HCN1: variants seen among roughly 807,000 people sequenced by gnomAD.
HCN1 encodes hyperpolarization activated cyclic nucleotide gated potassium channel 1, also known as potassium/sodium hyperpolarization-activated cyclic nucleotide-gated channel 1.
Under a neutral mutation model 78.9 loss-of-function variants are expected in HCN1, and 13 were observed. The ratio of observed to expected loss-of-function variants is 0.16; its 90% confidence interval spans 0.11 to 0.26. The LOEUF (loss-of-function observed/expected upper bound fraction) is 0.26. Ranked by LOEUF, HCN1 falls within the 10% of genes least tolerant of loss-of-function variation. The probability of loss-of-function intolerance (pLI) is 1.00; values close to 1 mark genes in which losing one functional copy is unlikely to be tolerated. For missense variants in HCN1, 810 were observed against 1,154.3 expected, an observed-to-expected ratio of 0.70 and a Z score of 4.32; for synonymous variants, 552 against 455.5, an observed-to-expected ratio of 1.21 and a Z score of -2.70.
At chr5:45,363,132 TTATATATATATACATATATATATATATA>T (rs1349826392) in intron 4 of HCN1, among the ~76,000 whole-genome samples, 1 of 116,064 alleles carries the variant, frequency 8.6e-6, no homozygotes, top group Non-Finnish European at 1.7e-5. Flanking sequence ...ATATAACATA[TTATATATATATACATATATATATATATA>T]TATATATATC....
chr5:45,514,600 A>G lies in HCN1; in HGVS notation c.850-52593T>C, dbSNP rs1742484060. On this transcript the variant is annotated intron_variant, in intron 2 of 7. Coordinates refer to ENST00000303230, the MANE Select transcript of HCN1 (RefSeq NM_021072.4). ...TTAAGCGTTCTTTATCCGAAAACCA[A>G]CCTTCCCAAAATTTGTTCCTGCTTG... is the stretch of plus-strand genomic sequence containing the variant. Among the ~76,000 whole-genome samples the G allele has an allele frequency of 2.6e-5, 4 of 152,226 alleles. No individual in the cohort carries two copies. In the South Asian group the frequency reaches 8.3e-4, roughly 32 times the overall value.
At chr5:45,510,546 T>C (rs1440265378) in intron 2 of HCN1, among the ~76,000 whole-genome samples, 4 of 151,996 alleles carry the variant, frequency 2.6e-5, no homozygotes, top group Non-Finnish European at 4.4e-5. Context: ...GTATACCAAA[T>C]ATAGTGAGAA....
At chr5:45,682,256 C>CATATATATATATATACAT (rs1030311907) in intron 1 of HCN1, among the ~76,000 whole-genome samples, 3 of 132,152 alleles carry the variant, frequency 2.3e-5, no homozygotes, top group South Asian at 2.4e-4. Flanking sequence ...AACAAGATAT[C>CATATATATATATATACAT]ATATATATAT....
At chr5:45,552,160 A>C (rs1011420031) in intron 2 of HCN1, among the ~76,000 whole-genome samples, 16 of 151,956 alleles carry the variant, frequency 1.1e-4, no homozygotes, top group African/African-American at 3.9e-4. Flanking sequence ...CTGGTCTATA[A>C]ATAACATCTT....
intron 3 of HCN1, among the ~76,000 whole-genome samples, chr5:45,407,556 G>A (rs143480557): frequency 1.3e-4 from 20 of 152,026 alleles, no homozygotes; most frequent in African/African-American, 4.3e-4. Flanking sequence ...TCTCACTCTC[G>A]TTCCACAGGC....
chr5:45,517,533 A>C (rs1742536169), intron 2 of HCN1, among the ~76,000 whole-genome samples: 1 of 150,526 alleles, frequency 6.6e-6, no homozygotes, highest in African/African-American at 2.4e-5. Flanking sequence ...AAAAAAAAAA[A>C]AAAAAAAAAA....
At position 45,259,867 on chromosome 5, in the gene HCN1, T is replaced by A. The variant is rs1744695098; in HGVS notation, c.*2054A>T. ...CTCATATTTTAATAAAATAAAGGAG[T>A]TTTGTACTGATATGTAAATGGTCTT... On this transcript the variant is annotated 3_prime_UTR_variant, in exon 8 of 8. Coordinates refer to ENST00000303230, the MANE Select transcript of HCN1 (RefSeq NM_021072.4). 2.0e-5 allele frequency: 3 copies of A among 152,194 alleles called. No individual in the cohort carries two copies. The South Asian group carries it at 6.2e-4, about 32-fold the overall frequency. The allele number at this position is 152,194 out of a possible 1,614,324, so 9.4% of individuals were successfully genotyped here. A position where few individuals can be genotyped will look rare whatever the true frequency, so the allele number is the denominator to read the frequency against.
At chr5:45,484,385 G>C (rs575728810) in intron 2 of HCN1, among the ~76,000 whole-genome samples, 17 of 152,046 alleles carry the variant, frequency 1.1e-4, no homozygotes, top group South Asian at 6.2e-4. Context: ...AGTAAGCCAA[G>C]ATTGTGCCAC....
intron 4 of HCN1, among the ~76,000 whole-genome samples, chr5:45,362,009 G>T (rs1747120328): frequency 6.6e-6 from 1 of 152,084 alleles, no homozygotes; most frequent in South Asian, 2.1e-4. Flanking sequence ...AGGGTCAAGG[G>T]TTAGATGATT....
intron 2 of HCN1, among the ~76,000 whole-genome samples, chr5:45,619,173 T>C (rs1745012182): frequency 6.6e-6 from 1 of 152,048 alleles, no homozygotes; most frequent in Non-Finnish European, 1.5e-5. Flanking sequence ...CCAAGCCTCC[T>C]AAGAAATATT....
At chr5:45,384,133 T>C (rs1747868201) in intron 4 of HCN1, among the ~76,000 whole-genome samples, 1 of 152,172 alleles carries the variant, frequency 6.6e-6, no homozygotes, top group South Asian at 2.1e-4. Context: ...ATTCTAATGA[T>C]CAAAGCTTAA....
At chr5:45,348,765 A>G (rs1342633571) in intron 5 of HCN1, among the ~76,000 whole-genome samples, 2 of 152,234 alleles carry the variant, frequency 1.3e-5, no homozygotes, top group Admixed American at 1.3e-4. Flanking sequence ...AAAGATCAAA[A>G]GAGACAAAGA....
chr5:45,477,519 G>A (rs1395889249), intron 2 of HCN1, among the ~76,000 whole-genome samples: 1 of 152,052 alleles, frequency 6.6e-6, no homozygotes, highest in Non-Finnish European at 1.5e-5. Flanking sequence ...TGGTGAGCAG[G>A]TCCGGAAACC....
chr5:45,287,070 A>G (rs1745283461), intron 6 of HCN1, among the ~76,000 whole-genome samples: 1 of 151,644 alleles, frequency 6.6e-6, no homozygotes, highest in African/African-American at 2.4e-5. Context: ...GCAATAGGCT[A>G]GAAGGTATGC....
chr5:45,312,922 T>C (rs1314377148), intron 5 of HCN1, among the ~76,000 whole-genome samples: 1 of 152,160 alleles, frequency 6.6e-6, no homozygotes, highest in African/African-American at 2.4e-5. Context: ...CCTGCCTCTG[T>C]AGACTCCACC....
intron 1 of HCN1, among the ~76,000 whole-genome samples, chr5:45,681,065 C>G (rs1475318111): frequency 6.6e-6 from 1 of 152,070 alleles, no homozygotes; most frequent in Non-Finnish European, 1.5e-5. Context: ...ACACATTTCT[C>G]CTCTTCAAAT....
intron 2 of HCN1, among the ~76,000 whole-genome samples, chr5:45,620,709 T>TC (rs1004232434): frequency 1.3e-5 from 2 of 152,022 alleles, no homozygotes; most frequent in Non-Finnish European, 2.9e-5. Flanking sequence ...CCCCTCCACT[T>TC]CATGTTTGAG....
chr5:45,683,794 C>A (rs1325425615), intron 1 of HCN1, among the ~76,000 whole-genome samples: 1 of 148,848 alleles, frequency 6.7e-6, no homozygotes, highest in African/African-American at 2.6e-5. Context: ...CCCCAGCCTC[C>A]CAAGTTGCTG....
intron 6 of HCN1, among the ~76,000 whole-genome samples, chr5:45,290,236 T>C (rs893059914): frequency 6.6e-6 from 1 of 152,032 alleles, no homozygotes; most frequent in Admixed American, 6.6e-5. Context: ...TGTGAGTCCA[T>C]TAAACCTCTC....
Sources: gnomAD v4.1 joint callset for allele counts (sites outside exome capture counted in the v4.1 genomes callset) on GRCh38, gnomAD v4.1.1 for gene constraint, MANE v1.5 for transcripts, NCBI Gene and HGNC (gene_info 2026-07-23, HGNC 2026-07-21) for gene names.